Variants in FERRY3 observed in about 807,000 individuals in gnomAD.
FERRY3 encodes the protein FERRY endosomal RAB5 effector complex subunit 3.
At chr12:4,511,519 C>T in the FERRY3 span, among the ~76,000 whole-genome samples, 2 of 149,772 alleles carry the variant, frequency 1.3e-5, no homozygotes, top group African/African-American at 2.5e-5. Context: ...TGTAAAAGAA[C>T]AGAAATTATA....
chr12:4,510,503 G>A, the FERRY3 span, among the ~76,000 whole-genome samples: 6 of 132,948 alleles, frequency 4.5e-5, no homozygotes, highest in African/African-American at 8.7e-5. Flanking sequence ...GAGAAAGGTC[G>A]GGTTACCCTC....
chr12:4,500,208 A>G, the FERRY3 span: 2 of 1,613,938 alleles, frequency 1.2e-6, no homozygotes, highest in Admixed American at 3.3e-5. Context: ...GCAAACTTTG[A>G]GTATATTTCG....
chr12:4,495,721 G>T, the FERRY3 span, among the ~76,000 whole-genome samples: 22 of 152,170 alleles, frequency 1.4e-4, no homozygotes, highest in African/African-American at 4.8e-4. Flanking sequence ...TTGTCCAAAG[G>T]TCATCACGTT....
the FERRY3 span, among the ~76,000 whole-genome samples, chr12:4,524,093 C>CATA: frequency 1.7e-3 from 253 of 151,706 alleles, 1 homozygote; most frequent in African/African-American, 5.9e-3. Context: ...GTAGCATGAT[C>CATA]ATAAAGGGAT....
chr12:4,528,305 G>C, the FERRY3 span, among the ~76,000 whole-genome samples: 1 of 152,058 alleles, frequency 6.6e-6, no homozygotes, highest in African/African-American at 2.4e-5. Context: ...TAATTAATTA[G>C]TATTAGGTAA....
At chr12:4,530,062 T>A in the FERRY3 span, 1 of 1,594,112 alleles carries the variant, frequency 6.3e-7, no homozygotes, top group Non-Finnish European at 8.5e-7. Context: ...TACAAGATAA[T>A]ATACAGACAA....
chr12:4,517,930 T>C, the FERRY3 span: 16 of 684,064 alleles, frequency 2.3e-5, no homozygotes, highest in East Asian at 4.4e-4. Flanking sequence ...GCTGGGTATG[T>C]TTGTTTGGTC....
the FERRY3 span, chr12:4,536,302 C>A: frequency 1.3e-6 from 1 of 745,028 alleles, no homozygotes; most frequent in Non-Finnish European, 1.9e-6. Context: ...AACATTCCAC[C>A]ATTCAAGAGA....
chr12:4,489,327 A>C, the FERRY3 span: 2 of 152,812 alleles, frequency 1.3e-5, no homozygotes. Context: ...TTGTGTTTCT[A>C]TAAAAAGATT....
the FERRY3 span, chr12:4,505,238 A>G: frequency 5.3e-6 from 5 of 950,800 alleles, no homozygotes; most frequent in African/African-American, 5.0e-5. Context: ...ATAAATTCCT[A>G]TGGTGTGCAT....
chr12:4,506,981 C>T, the FERRY3 span, among the ~76,000 whole-genome samples: 1 of 152,148 alleles, frequency 6.6e-6, no homozygotes, highest in African/African-American at 2.4e-5. Context: ...CTACTTGCAT[C>T]ACTGACTCAC....
chr12:4,502,683 TATACTTAAA>T, the FERRY3 span, among the ~76,000 whole-genome samples: 1 of 152,234 alleles, frequency 6.6e-6, no homozygotes, highest in Admixed American at 6.5e-5. This position sits in a 1 kb window ranked among gnomAD's most constrained non-coding sequence, Gnocchi z 4.2. Context: ...AAACATACAG[TATACTTAAA>T]ATACTTAATA....
At chr12:4,524,432 T>A in the FERRY3 span, among the ~76,000 whole-genome samples, 1 of 152,004 alleles carries the variant, frequency 6.6e-6, no homozygotes, top group African/African-American at 2.4e-5. Context: ...TGTCCATCCA[T>A]TCATCCCATA....
the FERRY3 span, among the ~76,000 whole-genome samples, chr12:4,532,892 C>T: frequency 2.6e-5 from 4 of 152,288 alleles, no homozygotes; most frequent in Admixed American, 2.6e-4. Context: ...TTCTCTATGC[C>T]TGCAGTCGGG....
At chr12:4,538,467 A>G in the FERRY3 span, 14 of 178,028 alleles carry the variant, frequency 7.9e-5, no homozygotes, top group Non-Finnish European at 1.2e-4. Context: ...CGCGTCCTGC[A>G]CTGGGAAACC....
chr12:4,524,603 GGATT>G, the FERRY3 span, among the ~76,000 whole-genome samples: 7 of 151,962 alleles, frequency 4.6e-5, no homozygotes, highest in Admixed American at 3.9e-4. Flanking sequence ...GCTGGAAATA[GGATT>G]ATTATACCGT....
the FERRY3 span, chr12:4,535,914 T>G: frequency 1.1e-5 from 11 of 972,754 alleles, no homozygotes. This position sits in a 1 kb window ranked among gnomAD's most constrained non-coding sequence, Gnocchi z 4.0. Flanking sequence ...GTTATGGCTG[T>G]TTCCAAAGCT....
At chr12:4,537,758 C>T in the FERRY3 span, among the ~76,000 whole-genome samples, 3 of 152,050 alleles carry the variant, frequency 2.0e-5, no homozygotes, top group African/African-American at 7.2e-5. Flanking sequence ...TAAAGCAATA[C>T]AAATTTTTAT....
the FERRY3 span, chr12:4,490,396 TA>T: frequency 4.5e-6 from 3 of 665,570 alleles, no homozygotes; most frequent in Non-Finnish European, 7.2e-6. Flanking sequence ...CTTCTCTCCT[TA>T]AAAAACAGAA....
Sources: gnomAD v4.1 joint callset for allele counts (sites outside exome capture counted in the v4.1 genomes callset) on GRCh38, gnomAD v4.1.1 for gene constraint, Gnocchi (gnomAD v3.1) non-coding constraint, MANE v1.5 for transcripts, NCBI Gene and HGNC (gene_info 2026-07-23, HGNC 2026-07-21) for gene names.